Variants in SCAF11 observed in about 807,000 individuals in gnomAD.
SCAF11 encodes SR-related CTD associated factor 11.
A neutral mutation model predicts 140.5 loss-of-function variants in SCAF11; 47 were observed. The ratio of observed to expected loss-of-function variants is 0.33; its 90% confidence interval spans 0.26 to 0.43. SCAF11 has a LOEUF of 0.43. SCAF11 is among the 20% of genes least tolerant of loss of function. The probability of loss-of-function intolerance (pLI) is 1.00; values close to 1 mark genes in which losing one functional copy is unlikely to be tolerated. For missense variants in SCAF11, 1,645 were observed against 1,705.1 expected (o/e 0.96, Z 0.62); for synonymous variants, 557 against 579.4 (o/e 0.96, Z 0.55).
intron 6 of SCAF11, among the ~76,000 whole-genome samples, chr12:45,937,893 C>G (rs1485896800): frequency 6.6e-6 from 1 of 152,140 alleles, no homozygotes; most frequent in Non-Finnish European, 1.5e-5. Flanking sequence ...TTCCTCTACC[C>G]ACAGCCAGGA....
intron 1 of SCAF11, among the ~76,000 whole-genome samples, chr12:45,968,429 T>C (rs1160199470): frequency 1.3e-5 from 2 of 152,188 alleles, no homozygotes; most frequent in African/African-American, 4.8e-5. Flanking sequence ...TGCTAGATAC[T>C]GAAAGTGATA....
rs573161750 is a variant in SCAF11 at position 45,942,278 on chromosome 12, C to CA, written c.463+2970_463+2971insT. Among the ~76,000 whole-genome samples, 35 of 152,322 alleles carry CA rather than the reference C, an allele frequency of 2.3e-4. No individual in the cohort carries two copies. The South Asian group carries it at 6.4e-3, about 28-fold the overall frequency. ...GATCAATGGTACATACAGAATGGAA[C>CA]CACTTATCATCATCTCCACTAATAT... On this transcript the variant is annotated intron_variant, in intron 6 of 14. Transcript: ENST00000369367.
At chr12:45,938,582 G>A (rs1256315506) in intron 6 of SCAF11, among the ~76,000 whole-genome samples, 2 of 152,004 alleles carry the variant, frequency 1.3e-5, no homozygotes, top group Non-Finnish European at 2.9e-5. Context: ...AGGGATCACA[G>A]CATTAAACAA....
intron 6 of SCAF11, among the ~76,000 whole-genome samples, chr12:45,942,773 C>T (rs1001124134): frequency 6.6e-6 from 1 of 152,192 alleles, no homozygotes; most frequent in Admixed American, 6.5e-5. Flanking sequence ...CGGTCATCTC[C>T]ACAATGTCAT....
At position 45,990,558 on chromosome 12, in the gene SCAF11, T is replaced by G. The variant is rs1229678998; in HGVS notation, c.-227A>C. 1 of 1,231,374 alleles carries G rather than the reference T, an allele frequency of 8.1e-7. No individual in the cohort carries two copies. The highest frequency in any genetic ancestry group is 1.6e-5 in the African/African-American group (1 of 64,368). The allele number at this position is 1,231,374 out of a possible 1,614,324, so 76.3% of individuals were successfully genotyped here. A position where few individuals can be genotyped will look rare whatever the true frequency, so the allele number is the denominator to read the frequency against. ...CCCAGGTTGCGCTGCTCCGCGCGGC[T>G]TAAGCCACCGCTACTCCCCCTTCCC... On this transcript the variant is annotated 5_prime_UTR_variant, in exon 1 of 15. Coordinates refer to ENST00000369367, the MANE Select transcript of SCAF11 (RefSeq NM_004719.3).
In SCAF11 at chr12:45,964,021, GTGT is replaced by G. The variant is rs1945882707; in HGVS notation, c.61+83_61+85del. On this transcript the variant is annotated intron_variant, in intron 2 of 14. Transcript: ENST00000369367. ...AGAACAACAATAACAAAAAACTCCTGTGTATTCTGAAATGTATACAAGTGGACA... is the reference window on the plus strand; with the variant it reads ...AGAACAACAATAACAAAAAACTCCTGATTCTGAAATGTATACAAGTGGACA... 5 of 686,720 alleles carry G rather than the reference GTGT, an allele frequency of 7.3e-6. No individual in the cohort carries two copies. In the Admixed American group the frequency reaches 9.3e-5, roughly 13 times the overall value. The allele number at this position is 686,720 out of a possible 1,614,324, so 42.5% of individuals were successfully genotyped here.
At chr12:45,938,716 T>C (rs955343724) in intron 6 of SCAF11, among the ~76,000 whole-genome samples, 5 of 151,442 alleles carry the variant, frequency 3.3e-5, no homozygotes, top group Non-Finnish European at 4.4e-5. Context: ...TTTTGTACGA[T>C]ACAAACAAGT....
intron 10 of SCAF11, chr12:45,929,284 G>C (rs1363318933): frequency 1.3e-5 from 2 of 153,816 alleles, no homozygotes; most frequent in Non-Finnish European, 2.9e-5. Flanking sequence ...CAGCCTCCCA[G>C]GTAGCTGGGA....
chr12:45,940,979 A>AT lies in SCAF11; in HGVS notation c.463+4269dup, dbSNP rs1167047880. Among the ~76,000 whole-genome samples, 7 of 152,036 alleles carry AT rather than the reference A, an allele frequency of 4.6e-5. No individual in the cohort carries two copies. The East Asian group carries it at 9.7e-4, about 21-fold the overall frequency. ...ATCACCACACTTGGCTAATTTTTGT[A>AT]TTTTTTGTAGAGGTGGGTTTCGCCA... On this transcript the variant is annotated intron_variant, in intron 6 of 14. Transcript: ENST00000369367.
chr12:45,984,161 A>T (rs1209181399), intron 1 of SCAF11, among the ~76,000 whole-genome samples: 1 of 152,222 alleles, frequency 6.6e-6, no homozygotes, highest in African/African-American at 2.4e-5. Flanking sequence ...ATAAAAAGAA[A>T]AAGGGATTAC....
At chr12:45,976,671 A>T (rs887516413) in intron 1 of SCAF11, among the ~76,000 whole-genome samples, 10 of 152,152 alleles carry the variant, frequency 6.6e-5, no homozygotes, top group African/African-American at 2.4e-4. Flanking sequence ...AACAGAAAAT[A>T]GACTTGAACC....
chr12:45,930,440 G>GGTTTTTTTTTTTTTTT (rs376228492), intron 10 of SCAF11, among the ~76,000 whole-genome samples: 1 of 140,442 alleles, frequency 7.1e-6, no homozygotes, highest in African/African-American at 2.8e-5. Context: ...TTTGCGTTGT[G>GGTTTTTTTTTTTTTTT]TTTTGTTTTT....
chr12:45,973,021 G>A (rs12830293), intron 1 of SCAF11, among the ~76,000 whole-genome samples: 2 of 143,790 alleles, frequency 1.4e-5, no homozygotes, highest in African/African-American at 5.1e-5. Flanking sequence ...TAGATATATA[G>A]ATATATAGAT....
At position 45,990,357 on chromosome 12, in the gene SCAF11, G is replaced by C. The variant is rs1034998704; in HGVS notation, c.-26C>G. On this transcript the variant is annotated 5_prime_UTR_variant, in exon 1 of 15. Coordinates refer to ENST00000369367, the MANE Select transcript of SCAF11 (RefSeq NM_004719.3). ...CGCGGGTCGACCAGTGTTTACCTCAGACCGAGGTCGAGGCGCTCGGTCCGG... is the reference window on the plus strand; with the variant it reads ...CGCGGGTCGACCAGTGTTTACCTCACACCGAGGTCGAGGCGCTCGGTCCGG... 12 of 1,231,936 alleles carry C rather than the reference G, an allele frequency of 9.7e-6. No individual in the cohort carries two copies. The highest frequency in any genetic ancestry group is 3.1e-4 in the Middle Eastern group (1 of 3,236). 76.3% of individuals were successfully genotyped at this position (1,231,936 alleles called of 1,614,324 possible).
chr12:45,933,686 T>C (rs770649857), intron 8 of SCAF11, among the ~76,000 whole-genome samples: 6 of 152,162 alleles, frequency 3.9e-5, no homozygotes, highest in Non-Finnish European at 8.8e-5. Context: ...CTTGGTACCT[T>C]GCCAAGTTCT....
Position 45,927,846 on chromosome 12 carries a change from T to C in SCAF11, c.1855A>G (p.Ile619Val). 2.5e-6 allele frequency: 4 copies of C among 1,614,012 alleles called. No individual in the cohort carries two copies. Among genetic ancestry groups the C allele is most frequent in the Non-Finnish European group, 3.4e-6 (4 of 1,179,996 alleles). Residue 619 changes from isoleucine to valine, a missense_variant, in exon 11 of 15, where the codon ATA becomes GTA. Physicochemically the swap from Ile to Val is conservative, Grantham distance 29. This residue lies in a region of SCAF11 where 1,582 missense variants were observed against 1,609.2 expected (regional missense o/e 0.98). Transcript: ENST00000369367. ...PKLESSEGEI[I>V]QTVDRQSVKS... ...ACAGATTGTCTGTCCACTGTCTGTA[T>C]AATTTCACCCTCAGAAGATTCTAAC...
At chr12:45,926,113 G>A in intron 11 of SCAF11, 29 bp downstream of exon 11, 3 of 1,539,252 alleles carry the variant, frequency 1.9e-6, no homozygotes, top group Non-Finnish European at 1.8e-6. Context: ...AAATAAAACA[G>A]TATCAATAAA....
intron 3 of SCAF11, chr12:45,954,823 C>T (rs868043337): frequency 1.4e-5 from 2 of 144,414 alleles, no homozygotes; most frequent in East Asian, 2.2e-4. Flanking sequence ...TGTGCTCAAA[C>T]GATCCTCCTA....
Position 45,926,452 on chromosome 12 carries a change from G to C in SCAF11, c.3249C>G (p.Tyr1083Ter), listed in dbSNP as rs752134201. 1 of 1,614,164 alleles carries C rather than the reference G, an allele frequency of 6.2e-7. No individual in the cohort carries two copies. The change falls in exon 11 of 15, where the codon TAC becomes TAG. Residue 1083 changes from tyrosine (Y) to a stop codon, truncating the protein, a stop_gained. Transcript: ENST00000369367. LOFTEE classifies it high-confidence loss of function. ...GATCTTTATAGGCAAAACTACTTCT[G>C]TAAGTGCCTCTGCCACGGTTGCCTC... Reference protein sequence around the residue: ...RGRGNRGRGTYRSSFAYKDQN... With the variant: ...RGRGNRGRGT
Sources: allele counts gnomAD v4.1 joint callset (sites outside exome capture counted in the v4.1 genomes callset), GRCh38; gene constraint gnomAD v4.1.1; regional missense constraint gnomAD v4.1.1; transcripts MANE v1.5; gene names NCBI Gene and HGNC (gene_info 2026-07-23, HGNC 2026-07-21).